Variants in ABCG5 observed in about 807,000 individuals in gnomAD.
ABCG5 encodes ATP-binding cassette sub-family G member 5.
Under a neutral mutation model 64.5 loss-of-function variants are expected in ABCG5, and 64 were observed. That is an observed-to-expected ratio of 0.99 (90% confidence interval 0.81 to 1.22). The LOEUF is 1.22. ABCG5 is among the 50% of genes most tolerant of loss of function. ABCG5 has a pLI of 0.00. For synonymous variants in ABCG5, 385 were observed against 326.3 expected, an observed-to-expected ratio of 1.18 and a Z score of -1.94; for missense variants, 908 against 829.5, an observed-to-expected ratio of 1.09 and a Z score of -1.16.
intron 11 of ABCG5, among the ~76,000 whole-genome samples, chr2:43,815,249 T>A (rs1666741998): frequency 6.6e-6 from 1 of 152,226 alleles, no homozygotes; most frequent in African/African-American, 2.4e-5. Flanking sequence ...GTGCTGACAC[T>A]GTGGTCTTCT....
At chr2:43,825,265 CTCCCA>C (rs1667525241) in intron 6 of ABCG5, among the ~76,000 whole-genome samples, 2 of 152,182 alleles carry the variant, frequency 1.3e-5, no homozygotes, top group Non-Finnish European at 2.9e-5. Context: ...GTCATGCTGC[CTCCCA>C]TCCTGACGCC....
At chr2:43,810,175 A>G (rs1666433107), downstream of ABCG5, among the ~76,000 whole-genome samples, 1 of 152,194 alleles carries the variant, frequency 6.6e-6, no homozygotes, top group Admixed American at 6.5e-5. Context: ...GCTGGGAGGA[A>G]ACCGGAATTG....
intron 2 of ABCG5, among the ~76,000 whole-genome samples, chr2:43,835,788 C>T (rs1355834565): frequency 6.6e-6 from 1 of 152,128 alleles, no homozygotes; most frequent in Non-Finnish European, 1.5e-5. Flanking sequence ...GAGGAAGTCT[C>T]CCTCACCAGA....
intron 10 of ABCG5, chr2:43,822,470 T>TGCCC: frequency 2.8e-6 from 1 of 354,564 alleles, no homozygotes. Context: ...CTTTCTCCCC[T>TGCCC]CCCCCAGGCC....
At chr2:43,828,409 G>A (rs1325591186) in intron 4 of ABCG5, 1 of 438,600 alleles carries the variant, frequency 2.3e-6, no homozygotes, top group Non-Finnish European at 4.3e-6. Context: ...GCTGAGGAGG[G>A]AGAATTGCTT....
intron 9 of ABCG5, 78 bp from the exon 10 acceptor site, chr2:43,823,013 G>T: frequency 6.3e-7 from 1 of 1,578,274 alleles, no homozygotes; most frequent in Non-Finnish European, 8.6e-7. Context: ...AGCTGAATGT[G>T]AGGTCTGTCA....
At chr2:43,825,248 A>C (rs1399229388) in intron 6 of ABCG5, among the ~76,000 whole-genome samples, 2 of 152,132 alleles carry the variant, frequency 1.3e-5, no homozygotes, top group Non-Finnish European at 2.9e-5. Flanking sequence ...CTAGGCTACC[A>C]CTGTGGGTCA....
chr2:43,835,537 C>T (rs945802910), intron 2 of ABCG5, among the ~76,000 whole-genome samples: 1 of 152,140 alleles, frequency 6.6e-6, no homozygotes, highest in African/African-American at 2.4e-5. Context: ...TAAGAACTGA[C>T]AAAGTCTTTG....
intron 10 of ABCG5, 102 bp downstream of exon 10, chr2:43,822,695 T>A: frequency 1.4e-6 from 2 of 1,466,962 alleles, no homozygotes; most frequent in Non-Finnish European, 1.8e-6. Context: ...GTGTAGATCC[T>A]CCAGAGCAGA....
chr2:43,831,755 G>C lies in ABCG5; in HGVS notation c.501+14C>G. 2.6e-6 allele frequency: 4 copies of C among 1,566,286 alleles called. No individual in the cohort carries two copies. In the Admixed American group the frequency reaches 7.6e-5, roughly 30 times the overall value. ...TACTCAGTTTGCCCTCTGTGAGCGG[G>C]GGGCTGCACCCACCTTCTTCTGGAA... On this transcript the variant is annotated intron_variant, in intron 4 of 12. Coordinates refer to ENST00000405322, the MANE Select transcript of ABCG5 (RefSeq NM_022436.3).
At chr2:43,839,039 A>C (rs72647315), upstream of ABCG5, 10,050 of 1,550,728 alleles carry the variant, frequency 6.5e-3, 559 homozygotes, top group African/African-American at 0.12. Flanking sequence ...CCAGGGTCAC[A>C]GACCTGTGGG....
At chr2:43,809,697 T>G, downstream of ABCG5, 1 of 1,601,710 alleles carries the variant, frequency 6.2e-7, no homozygotes, top group East Asian at 2.2e-5. Context: ...TACATATTTT[T>G]GTTTTAGGAA....
chr2:43,815,603 G>T (rs1405510256), intron 11 of ABCG5, among the ~76,000 whole-genome samples: 1 of 152,178 alleles, frequency 6.6e-6, no homozygotes, highest in Admixed American at 6.5e-5. Context: ...GGATACGTGG[G>T]ACTCTGGGAA....
downstream of ABCG5, among the ~76,000 whole-genome samples, chr2:43,811,549 G>A (rs1180275042): frequency 6.6e-6 from 1 of 151,910 alleles, no homozygotes; most frequent in Non-Finnish European, 1.5e-5. Context: ...TTTGTACATG[G>A]AATTACTTGA....
At chr2:43,835,658 C>T (rs575667628) in intron 2 of ABCG5, among the ~76,000 whole-genome samples, 116 of 152,210 alleles carry the variant, frequency 7.6e-4, no homozygotes, top group African/African-American at 2.6e-3. Context: ...GTGGGGCATG[C>T]AAGGAGGTGA....
Position 43,838,352 on chromosome 2 carries a change from G to T in ABCG5, c.143+185C>A. ...GGCCCTTCCCTGGGCAGGGGGAGGG[G>T]CCATTCACTGTCGCTCCATGTTTCC... On this transcript the variant is annotated intron_variant, in intron 1 of 12. Coordinates refer to ENST00000405322, the MANE Select transcript of ABCG5 (RefSeq NM_022436.3). This position sits in a 1 kb window ranked among gnomAD's most constrained non-coding sequence, Gnocchi z 4.2. 1 of 644,636 alleles carries T rather than the reference G, an allele frequency of 1.6e-6. No homozygotes were observed. Among genetic ancestry groups the T allele is most frequent in the South Asian group, 2.0e-5 (1 of 51,212 alleles). 39.9% of individuals were successfully genotyped at this position (644,636 alleles called of 1,614,324 possible).
chr2:43,832,964 T>C (rs6544712), intron 2 of ABCG5, among the ~76,000 whole-genome samples: 65,753 of 151,838 alleles, frequency 0.43, 15,251 homozygotes, highest in East Asian at 0.84. Flanking sequence ...CATGCACCAC[T>C]ACACCCGGCT....
intron 9 of ABCG5, among the ~76,000 whole-genome samples, chr2:43,823,622 G>C (rs1042845753): frequency 1.4e-4 from 21 of 152,156 alleles, no homozygotes; most frequent in African/African-American, 5.1e-4. Context: ...AGATGGCCAA[G>C]ATGAGATAGG....
upstream of ABCG5, chr2:43,838,978 G>T: frequency 6.8e-7 from 1 of 1,464,730 alleles, no homozygotes; most frequent in African/African-American, 1.4e-5. The surrounding 1 kb of genome is among the most constrained non-coding windows in gnomAD (Gnocchi z 4.2). Context: ...AGGAAACAGA[G>T]TGAAGACACT....
Sources: gnomAD v4.1 joint callset for allele counts (sites outside exome capture counted in the v4.1 genomes callset) on GRCh38, gnomAD v4.1.1 for gene constraint, Gnocchi (gnomAD v3.1) non-coding constraint, MANE v1.5 for transcripts, NCBI Gene and HGNC (gene_info 2026-07-23, HGNC 2026-07-21) for gene names.